RCAN2: variants seen among roughly 807,000 people sequenced by gnomAD.
RCAN2 encodes calcipressin-2.
A neutral mutation model predicts 23.6 loss-of-function variants in RCAN2; 9 were observed. That is an observed-to-expected ratio of 0.38 (90% CI 0.23 to 0.67). RCAN2 has a LOEUF of 0.67. Among genes scored for constraint, RCAN2 ranks in the 30% least tolerant of loss-of-function variants. The pLI is 0.51. For missense variants in RCAN2, 273 were observed against 302.3 expected (o/e 0.90, Z 0.72); for synonymous variants, 109 against 115.7 (o/e 0.94, Z 0.37).
chr6:46,427,234 T>C (rs980736327), intron 2 of RCAN2, among the ~76,000 whole-genome samples: 1 of 152,184 alleles, frequency 6.6e-6, no homozygotes, highest in South Asian at 2.1e-4. Flanking sequence ...CACATTATCA[T>C]CTCTTACTTT....
At chr6:46,376,929 A>G (rs1400329751) in intron 2 of RCAN2, among the ~76,000 whole-genome samples, 2 of 150,672 alleles carry the variant, frequency 1.3e-5, no homozygotes, top group African/African-American at 4.9e-5. Context: ...AAGTGTAGAT[A>G]GGGCATTTGG....
intron 2 of RCAN2, among the ~76,000 whole-genome samples, chr6:46,433,931 A>G (rs2150418481): frequency 6.6e-6 from 1 of 152,328 alleles, no homozygotes; most frequent in African/African-American, 2.4e-5. Flanking sequence ...GCTGCACACA[A>G]TTGGTGGAGC....
At chr6:46,406,915 A>C (rs1335533725) in intron 2 of RCAN2, among the ~76,000 whole-genome samples, 2 of 152,174 alleles carry the variant, frequency 1.3e-5, no homozygotes, top group Non-Finnish European at 2.9e-5. Context: ...CTGGGTACAC[A>C]ATTATGTGCT....
chr6:46,396,248 A>G (rs1242304719), intron 2 of RCAN2, among the ~76,000 whole-genome samples: 1 of 152,132 alleles, frequency 6.6e-6, no homozygotes, highest in Non-Finnish European at 1.5e-5. Context: ...CATGAAAGTG[A>G]TGGGACCAAG....
chr6:46,269,189 G>T (rs1032225244), intron 2 of RCAN2, among the ~76,000 whole-genome samples: 2 of 152,054 alleles, frequency 1.3e-5, no homozygotes, highest in Non-Finnish European at 2.9e-5. Flanking sequence ...AGAATTTCTT[G>T]CATCTATTAT....
chr6:46,433,427 G>A (rs1201150788), intron 2 of RCAN2, among the ~76,000 whole-genome samples: 4 of 152,124 alleles, frequency 2.6e-5, no homozygotes, highest in Admixed American at 6.5e-5. Context: ...CTGCAGATGC[G>A]ATTACATTAA....
intron 2 of RCAN2, among the ~76,000 whole-genome samples, chr6:46,298,875 G>C (rs546169303): frequency 3.6e-4 from 55 of 152,132 alleles, no homozygotes; most frequent in African/African-American, 1.2e-3. Flanking sequence ...TATCAACAGT[G>C]GACTGGATGA....
Position 46,300,385 on chromosome 6 carries a change from C to T in RCAN2, c.226-51489G>A, listed in dbSNP as rs543438498. 5.9e-5 allele frequency among the ~76,000 whole-genome samples: 9 copies of T among 151,860 alleles called. No homozygotes were observed. In the South Asian group the frequency reaches 1.9e-3, roughly 32 times the overall value. The stretch of plus-strand genomic sequence containing the variant: ...AATGGGAAAAGATGTAACATACAAA[C>T]AGTAATCATAAAAGGATGGAGTGAC... On this transcript the variant is annotated intron_variant, in intron 2 of 4. Transcript: ENST00000371374.
intron 2 of RCAN2, among the ~76,000 whole-genome samples, chr6:46,266,225 A>C (rs1177623933): frequency 6.6e-6 from 1 of 152,194 alleles, no homozygotes; most frequent in Non-Finnish European, 1.5e-5. Flanking sequence ...GAATAAACTG[A>C]TTTATACAAT....
intron 2 of RCAN2, among the ~76,000 whole-genome samples, chr6:46,352,827 G>A (rs1026416595): frequency 3.9e-5 from 6 of 152,176 alleles, no homozygotes; most frequent in Non-Finnish European, 7.4e-5. Flanking sequence ...AGTCCAGGGA[G>A]GTCTCTGAAG....
intron 1 of RCAN2, among the ~76,000 whole-genome samples, chr6:46,487,175 T>G (rs1290114164): frequency 6.6e-6 from 1 of 152,210 alleles, no homozygotes; most frequent in East Asian, 1.9e-4. Context: ...GGCAATACTA[T>G]TTCTTTATTT....
chr6:46,422,462 G>A (rs1000013960), intron 2 of RCAN2, among the ~76,000 whole-genome samples: 1 of 152,080 alleles, frequency 6.6e-6, no homozygotes, highest in Non-Finnish European at 1.5e-5. Flanking sequence ...AGGGAGTAGA[G>A]AAGAAAGAGA....
intron 2 of RCAN2, among the ~76,000 whole-genome samples, chr6:46,328,533 A>G (rs1020110649): frequency 6.6e-5 from 10 of 152,186 alleles, no homozygotes; most frequent in Non-Finnish European, 1.2e-4. Context: ...CGTCTATACA[A>G]TATGGTCATT....
Position 46,465,479 on chromosome 6 carries a change from C to G in RCAN2, c.-2-8501G>C, listed in dbSNP as rs146376689. On this transcript the variant is annotated intron_variant, in intron 1 of 4. Coordinates refer to ENST00000371374, the MANE Select transcript of RCAN2 (RefSeq NM_001251974.2). Reference sequence around the variant, plus strand: ...CAGATAGTACAAAACCCTGGTCTAGCACTCTCCCTAGATTTGAAGAGTTGA... The same window carrying G: ...CAGATAGTACAAAACCCTGGTCTAGGACTCTCCCTAGATTTGAAGAGTTGA... 1.7e-3 allele frequency among the ~76,000 whole-genome samples: 259 copies of G among 152,274 alleles called. 1 individual carries two copies. The highest frequency in any genetic ancestry group is 5.9e-3 in the African/African-American group (246 of 41,542).
intron 2 of RCAN2, among the ~76,000 whole-genome samples, chr6:46,356,723 G>A (rs567383029): frequency 6.6e-6 from 1 of 152,282 alleles, no homozygotes; most frequent in South Asian, 2.1e-4. Context: ...ACTTGCCAAA[G>A]GTCAAAGAAT....
At chr6:46,355,839 A>G (rs1764812974) in intron 2 of RCAN2, among the ~76,000 whole-genome samples, 1 of 152,230 alleles carries the variant, frequency 6.6e-6, no homozygotes, top group Non-Finnish European at 1.5e-5. Flanking sequence ...CTCTGGTTAA[A>G]CTGCTTGAAA....
At chr6:46,468,742 C>T in intron 1 of RCAN2, 1 of 881,734 alleles carries the variant, frequency 1.1e-6, no homozygotes, top group Non-Finnish European at 1.4e-6. Context: ...TCTCTCCCCT[C>T]TCTTCTCTCT....
chr6:46,390,516 A>G (rs915300247), intron 2 of RCAN2, among the ~76,000 whole-genome samples: 4 of 152,192 alleles, frequency 2.6e-5, no homozygotes, highest in Non-Finnish European at 4.4e-5. Context: ...TGACATTTGG[A>G]ACTTTCCTAC....
intron 2 of RCAN2, among the ~76,000 whole-genome samples, chr6:46,288,669 C>T (rs957242777): frequency 7.2e-5 from 11 of 152,248 alleles, no homozygotes; most frequent in African/African-American, 2.7e-4. Context: ...GTTATTTATT[C>T]CTCCATTTCC....
Sources: gnomAD v4.1 joint callset for allele counts (sites outside exome capture counted in the v4.1 genomes callset) on GRCh38, gnomAD v4.1.1 for gene constraint, MANE v1.5 for transcripts, NCBI Gene and HGNC (gene_info 2026-07-23, HGNC 2026-07-21) for gene names.